Variants in SYN3 observed in about 807,000 individuals in gnomAD.
SYN3 encodes synapsin-3.
Under a neutral mutation model 65.8 loss-of-function variants are expected in SYN3, and 35 were observed. That is an observed-to-expected ratio of 0.53 (90% CI 0.41 to 0.70). The LOEUF (loss-of-function observed/expected upper bound fraction) is 0.70, where lower values mean the gene tolerates loss of function less well. Ranked by LOEUF, SYN3 falls within the 30% of genes least tolerant of loss-of-function variation. SYN3 has a pLI of 0.00. For missense variants in SYN3, 680 were observed against 749.0 expected (o/e 0.91, Z 1.08); for synonymous variants, 270 against 292.9 (o/e 0.92, Z 0.80).
intron 3 of SYN3, among the ~76,000 whole-genome samples, chr22:32,946,983 C>T (rs949795661): frequency 5.3e-5 from 8 of 152,252 alleles, no homozygotes; most frequent in South Asian, 2.1e-4. Context: ...GATAACTGAA[C>T]GTACTGGACT....
intron 1 of SYN3, among the ~76,000 whole-genome samples, chr22:33,018,498 GCTTA>G (rs1164357145): frequency 1.3e-5 from 2 of 152,310 alleles, no homozygotes; most frequent in African/African-American, 4.8e-5. Flanking sequence ...AAGTTTGCAA[GCTTA>G]CTTCTTGGAG....
chr22:32,845,508 C>T (rs1205932557), intron 6 of SYN3, among the ~76,000 whole-genome samples: 1 of 152,100 alleles, frequency 6.6e-6, no homozygotes, highest in Non-Finnish European at 1.5e-5. Flanking sequence ...ACTTTTAAAC[C>T]TTATCTCCCC....
chr22:32,895,201 G>C (rs1457029665), intron 4 of SYN3, among the ~76,000 whole-genome samples: 1 of 152,166 alleles, frequency 6.6e-6, no homozygotes, highest in South Asian at 2.1e-4. Flanking sequence ...ATCAGTGAAT[G>C]AGTAATTAAT....
chr22:32,611,324 C>T (rs772751496), intron 6 of SYN3, among the ~76,000 whole-genome samples: 6 of 131,720 alleles, frequency 4.6e-5, no homozygotes, highest in African/African-American at 1.7e-4. Flanking sequence ...GATGGAGTCT[C>T]GCCCTGTTGC....
At chr22:32,639,219 C>G (rs1330054468) in intron 6 of SYN3, among the ~76,000 whole-genome samples, 2 of 152,314 alleles carry the variant, frequency 1.3e-5, no homozygotes, top group Non-Finnish European at 2.9e-5. Flanking sequence ...TCCCAAAGTG[C>G]TGGGATTACA....
At chr22:32,891,105 G>T (rs2049432690) in intron 4 of SYN3, among the ~76,000 whole-genome samples, 2 of 152,150 alleles carry the variant, frequency 1.3e-5, no homozygotes. Flanking sequence ...TCTGTCCAGG[G>T]CCCTGCTCCA....
intron 6 of SYN3, among the ~76,000 whole-genome samples, chr22:32,721,479 G>A (rs183914944): frequency 3.3e-5 from 5 of 152,288 alleles, no homozygotes; most frequent in Admixed American, 1.3e-4. Flanking sequence ...TGGATCCAGA[G>A]ATCCAGAAAA....
At chr22:32,700,165 C>A (rs2060792119) in intron 6 of SYN3, among the ~76,000 whole-genome samples, 1 of 152,170 alleles carries the variant, frequency 6.6e-6, no homozygotes, top group South Asian at 2.1e-4. Context: ...CTCCTCCCTC[C>A]TTTGGGCAAC....
At position 32,963,242 on chromosome 22, in the gene SYN3, ATTT is replaced by A. The variant is rs59829876; in HGVS notation, c.369+17400_369+17402del. Among the ~76,000 whole-genome samples, 725 of 111,804 alleles carry A rather than the reference ATTT, an allele frequency of 6.5e-3. 9 individuals carry two copies. Among genetic ancestry groups the A allele is most frequent in the Admixed American group, 0.034 (361 of 10,490 alleles). The allele number at this position is 111,804 out of a possible 152,430, so 73.3% of individuals were successfully genotyped here. A position where few individuals can be genotyped will look rare whatever the true frequency, so the allele number is the denominator to read the frequency against. Reference sequence around the variant, plus strand: ...AGGCATGTGCCACCATGCCTGGCTAATTTTTTTTTTTTTTTTTTTTTTTCAGTA... The same window carrying A: ...AGGCATGTGCCACCATGCCTGGCTAATTTTTTTTTTTTTTTTTTTTCAGTA... On this transcript the variant is annotated intron_variant, in intron 3 of 13. Coordinates refer to ENST00000358763, the MANE Select transcript of SYN3 (RefSeq NM_003490.4).
intron 7 of SYN3, among the ~76,000 whole-genome samples, chr22:32,584,539 A>G (rs898254470): frequency 1.9e-4 from 29 of 152,164 alleles, no homozygotes; most frequent in Non-Finnish European, 5.9e-5. Context: ...GAAAAAAGGA[A>G]ATCTTATTGC....
chr22:32,982,340 C>T (rs922986173), intron 2 of SYN3, among the ~76,000 whole-genome samples: 4 of 151,860 alleles, frequency 2.6e-5, no homozygotes, highest in African/African-American at 9.7e-5. Flanking sequence ...GCCATCCGTC[C>T]GTCCTTCCTT....
At chr22:32,565,667 C>A (rs151128534) in intron 7 of SYN3, among the ~76,000 whole-genome samples, 5,451 of 150,558 alleles carry the variant, frequency 0.036, 144 homozygotes, top group Middle Eastern at 0.086. Flanking sequence ...CAGGCATGCA[C>A]CACCGTGCCT....
At chr22:32,879,705 G>A (rs551868278) in intron 4 of SYN3, among the ~76,000 whole-genome samples, 1 of 152,334 alleles carries the variant, frequency 6.6e-6, no homozygotes, top group South Asian at 2.1e-4. Context: ...CAGCAGTAAG[G>A]ATAGGAATAT....
At chr22:32,958,304 A>G (rs1211759485) in intron 3 of SYN3, among the ~76,000 whole-genome samples, 1 of 152,242 alleles carries the variant, frequency 6.6e-6, no homozygotes, top group East Asian at 1.9e-4. Flanking sequence ...GCAAAACAGG[A>G]TAAGTGTGTC....
At chr22:32,773,264 G>C (rs534290195) in intron 6 of SYN3, among the ~76,000 whole-genome samples, 1 of 152,012 alleles carries the variant, frequency 6.6e-6, no homozygotes, top group African/African-American at 2.4e-5. Flanking sequence ...ACAATTAGCC[G>C]GCCATGGTGG....
At chr22:32,755,727 T>G (rs1240728984) in intron 6 of SYN3, among the ~76,000 whole-genome samples, 1 of 152,172 alleles carries the variant, frequency 6.6e-6, no homozygotes, top group Admixed American at 6.5e-5. Context: ...TCTACCATGG[T>G]GGCCCCAGCC....
chr22:32,607,391 A>C (rs2059387153), intron 6 of SYN3, among the ~76,000 whole-genome samples: 1 of 152,030 alleles, frequency 6.6e-6, no homozygotes, highest in African/African-American at 2.4e-5. Context: ...CTTGTACCCC[A>C]ACCTCAGTCA....
At chr22:32,790,180 C>T (rs1364561819) in intron 6 of SYN3, among the ~76,000 whole-genome samples, 1 of 152,186 alleles carries the variant, frequency 6.6e-6, no homozygotes, top group East Asian at 1.9e-4. Flanking sequence ...TTGCCAATTT[C>T]TGTGGTGTAA....
intron 3 of SYN3, among the ~76,000 whole-genome samples, chr22:32,968,819 G>A (rs2051926929): frequency 6.6e-6 from 1 of 151,828 alleles, no homozygotes; most frequent in Admixed American, 6.6e-5. Flanking sequence ...TTTGGCCACT[G>A]CCTTCAATGT....
Sources: allele counts gnomAD v4.1 joint callset (sites outside exome capture counted in the v4.1 genomes callset), GRCh38; gene constraint gnomAD v4.1.1; transcripts MANE v1.5; gene names NCBI Gene and HGNC (gene_info 2026-07-23, HGNC 2026-07-21).